The following INPP4B variants were observed in gnomAD, a reference collection of about 807,000 sequenced individuals.
INPP4B encodes inositol polyphosphate 4-phosphatase type II.
Under a neutral mutation model 122.5 loss-of-function variants are expected in INPP4B, and 55 were observed. That is an observed-to-expected ratio of 0.45 (90% confidence interval 0.36 to 0.56). INPP4B has a LOEUF of 0.56. Among genes scored for constraint, INPP4B ranks in the 20% least tolerant of loss-of-function variants. The pLI is 0.00. For synonymous variants in INPP4B, 403 were observed against 388.7 expected (o/e 1.04, Z -0.43); for missense variants, 1,000 against 1,097.7 (o/e 0.91, Z 1.26).
chr4:142,321,768 G>A (rs926740360), intron 7 of INPP4B, among the ~76,000 whole-genome samples: 1 of 151,654 alleles, frequency 6.6e-6, no homozygotes, highest in African/African-American at 2.4e-5. Flanking sequence ...TTTATTTCTG[G>A]GTTCTCTATT....
At chr4:142,299,597 C>T (rs1319600011) in intron 9 of INPP4B, among the ~76,000 whole-genome samples, 2 of 150,642 alleles carry the variant, frequency 1.3e-5, no homozygotes, top group Non-Finnish European at 3.0e-5. Flanking sequence ...ATTTTTCCAT[C>T]CATGCTTTCC....
At chr4:142,426,851 A>G (rs1420524939) in intron 5 of INPP4B, 1 of 151,996 alleles carries the variant, frequency 6.6e-6, no homozygotes, top group African/African-American at 2.4e-5. Context: ...TAATTTGAAT[A>G]CTTTGGTTAA....
intron 3 of INPP4B, among the ~76,000 whole-genome samples, chr4:142,453,773 C>T (rs1814809584): frequency 6.6e-6 from 1 of 152,050 alleles, no homozygotes; most frequent in African/African-American, 2.4e-5. Context: ...AATAATACTG[C>T]TCTACAGTGA....
chr4:142,341,461 T>C (rs1417273389), intron 7 of INPP4B, among the ~76,000 whole-genome samples: 6 of 152,142 alleles, frequency 3.9e-5, no homozygotes, highest in Admixed American at 3.9e-4. Flanking sequence ...AGCAGCTGTG[T>C]GACTTTGGTT....
chr4:142,336,596 C>A (rs746773153), intron 7 of INPP4B, among the ~76,000 whole-genome samples: 1 of 152,240 alleles, frequency 6.6e-6, no homozygotes, highest in Non-Finnish European at 1.5e-5. Context: ...AATAACACCC[C>A]CTGGGGCTTC....
intron 2 of INPP4B, among the ~76,000 whole-genome samples, chr4:142,674,161 A>G (rs184823635): frequency 6.6e-6 from 1 of 151,956 alleles, no homozygotes; most frequent in African/African-American, 2.4e-5. Context: ...TGAGGCCTCT[A>G]TTGCAATTAC....
intron 25 of INPP4B, among the ~76,000 whole-genome samples, chr4:142,058,386 G>A (rs187613991): frequency 1.3e-3 from 197 of 152,106 alleles, no homozygotes; most frequent in South Asian, 3.1e-3. Context: ...TTCAAAAATC[G>A]TTTTAAAATA....
chr4:142,583,699 TATTTA>T (rs1348706930), intron 2 of INPP4B: 3 of 152,272 alleles, frequency 2.0e-5, no homozygotes, highest in Non-Finnish European at 4.4e-5. Flanking sequence ...ACTCAATGAA[TATTTA>T]ATTTAACAAG....
chr4:142,550,939 A>C (rs1221584656), intron 2 of INPP4B, among the ~76,000 whole-genome samples: 3 of 152,210 alleles, frequency 2.0e-5, no homozygotes, highest in Non-Finnish European at 4.4e-5. Context: ...GTGAGTATGA[A>C]AGAGTTAAAG....
At chr4:142,237,791 A>C (rs1414173710) in intron 12 of INPP4B, 73 bp downstream of exon 12, 1 of 856,966 alleles carries the variant, frequency 1.2e-6, no homozygotes, top group East Asian at 2.7e-5. Context: ...CAGATTATAT[A>C]TAATTTGTCA....
At chr4:142,578,312 G>A (rs1051170715) in intron 2 of INPP4B, among the ~76,000 whole-genome samples, 1 of 151,896 alleles carries the variant, frequency 6.6e-6, no homozygotes. Flanking sequence ...TTTGCCTCGT[G>A]ACTATCTTAT....
At chr4:142,110,731 T>A (rs1789596028) in intron 22 of INPP4B, among the ~76,000 whole-genome samples, 1 of 152,120 alleles carries the variant, frequency 6.6e-6, no homozygotes, top group Non-Finnish European at 1.5e-5. Context: ...AAGTGCATTC[T>A]TAGTATGCAA....
At chr4:142,785,038 G>A (rs1455653151) in intron 1 of INPP4B, among the ~76,000 whole-genome samples, 2 of 152,072 alleles carry the variant, frequency 1.3e-5, no homozygotes, top group Non-Finnish European at 2.9e-5. Flanking sequence ...TGTCAACAGG[G>A]CTCCAGCATA....
intron 2 of INPP4B, among the ~76,000 whole-genome samples, chr4:142,523,192 C>T (rs1826330380): frequency 1.3e-5 from 2 of 152,092 alleles, no homozygotes; most frequent in Admixed American, 1.3e-4. Context: ...ATTACAAACG[C>T]AAATACAAAC....
chr4:142,291,355 G>A (rs991613902), intron 9 of INPP4B, among the ~76,000 whole-genome samples: 5 of 152,160 alleles, frequency 3.3e-5, no homozygotes, highest in African/African-American at 1.2e-4. Flanking sequence ...GAAGTGATGT[G>A]TCTAACTAAT....
At chr4:142,721,962 A>G (rs1353395533) in intron 2 of INPP4B, among the ~76,000 whole-genome samples, 1 of 152,214 alleles carries the variant, frequency 6.6e-6, no homozygotes, top group Non-Finnish European at 1.5e-5. Flanking sequence ...CTGGAGATTC[A>G]AGGAGCTCAT....
intron 14 of INPP4B, among the ~76,000 whole-genome samples, chr4:142,205,155 T>C (rs1182845250): frequency 6.6e-6 from 1 of 152,166 alleles, no homozygotes; most frequent in Non-Finnish European, 1.5e-5. Context: ...GCATAGTACA[T>C]GGTTCTTTCA....
chr4:142,122,349 A>T, intron 20 of INPP4B, 104 bp from the exon 21 acceptor site: 1 of 859,012 alleles, frequency 1.2e-6, no homozygotes, highest in Non-Finnish European at 1.9e-6. Context: ...TTATTGAATG[A>T]GTTTCTGAAT....
rs559677811 is a variant in INPP4B at position 142,626,783 on chromosome 4, C to A, written c.-191+99056G>T. On this transcript the variant is annotated intron_variant, in intron 2 of 25. Transcript: ENST00000262992. ...CTACTTGAAAAATCCTAACTAGCTCCACCAAAATGGCAGAATAAGTTAATT... is the reference window on the plus strand; with the variant it reads ...CTACTTGAAAAATCCTAACTAGCTCAACCAAAATGGCAGAATAAGTTAATT... Among the ~76,000 whole-genome samples the A allele has an allele frequency of 1.0e-3, 159 of 152,128 alleles. 1 individual carries two copies. The highest frequency in any genetic ancestry group is 3.8e-3 in the African/African-American group (156 of 41,554).
Sources: gnomAD v4.1 joint callset for allele counts (sites outside exome capture counted in the v4.1 genomes callset) on GRCh38, gnomAD v4.1.1 for gene constraint, MANE v1.5 for transcripts, NCBI Gene and HGNC (gene_info 2026-07-23, HGNC 2026-07-21) for gene names.